Variants in PER2 observed in about 807,000 individuals in gnomAD.
PER2 encodes period circadian protein homolog 2.
A neutral mutation model predicts 121.0 loss-of-function variants in PER2; 66 were observed. The ratio of observed to expected loss-of-function variants is 0.55; its 90% CI spans 0.45 to 0.67. The LOEUF is 0.67. PER2 is among the 30% of genes least tolerant of loss of function. The pLI is 0.00. For missense variants in PER2, 1,521 were observed against 1,635.0 expected (o/e 0.93, Z 1.20); for synonymous variants, 684 against 659.9 (o/e 1.04, Z -0.56).
At position 238,268,242 on chromosome 2, in the gene PER2, G is replaced by C. The variant is rs780722079; in HGVS notation, c.825-44C>G. On this transcript the variant is annotated intron_variant, in intron 7 of 22. Transcript: ENST00000254657. This position sits in a 1 kb window ranked among gnomAD's most constrained non-coding sequence, Gnocchi z 4.0. ...CTCTAAGTTGGGAACTGTGACACAG[G>C]AACAGTCCCCTGTTCTGTTCCCTCC... The C allele has an allele frequency of 1.9e-6, 3 of 1,599,252 alleles. No individual in the cohort carries two copies. Among genetic ancestry groups the C allele is most frequent in the African/African-American group, 2.7e-5 (2 of 74,648 alleles).
intron 8 of PER2, 112 bp downstream of exon 8, chr2:238,267,944 G>A: frequency 8.1e-7 from 1 of 1,239,220 alleles, no homozygotes; most frequent in Middle Eastern, 1.9e-4. Flanking sequence ...AGAGGCCAAG[G>A]CTGGGGAACT....
intron 16 of PER2, among the ~76,000 whole-genome samples, chr2:238,257,932 T>C (rs940921920): frequency 2.6e-5 from 4 of 152,238 alleles, no homozygotes; most frequent in African/African-American, 9.6e-5. Flanking sequence ...ACTGACAACT[T>C]GAGACCAGTG....
At chr2:238,260,076 AC>A in intron 13 of PER2, 23 bp from the exon 14 acceptor site, 1 of 1,071,762 alleles carries the variant, frequency 9.3e-7, no homozygotes, top group Non-Finnish European at 1.4e-6. Flanking sequence ...CAAAATGAAC[AC>A]ATTATTCATT....
Position 238,253,210 on chromosome 2 carries a change from G to A in PER2, c.2813C>T (p.Thr938Ile), listed in dbSNP as rs778754124. Residue 938 changes from threonine to isoleucine, a missense_variant, in exon 19 of 23, where the codon ACA becomes ATA. Transcript: ENST00000254657. This position sits in a 1 kb window ranked among gnomAD's most constrained non-coding sequence, Gnocchi z 5.6. The stretch of plus-strand genomic sequence containing the variant: ...CTGTGAGGCAGAGGCCATCTCGGAT[G>A]TGAGTGTGGGGTGGCTCGGAAACTG... ...QPQFPSHPTL[T>I]SEMASASQPE... 1.9e-6 allele frequency: 3 copies of A among 1,596,676 alleles called. No individual in the cohort carries two copies. The East Asian group carries it at 6.7e-5, about 36-fold the overall frequency.
intron 16 of PER2, among the ~76,000 whole-genome samples, chr2:238,258,043 C>T (rs538436657): frequency 1.3e-5 from 2 of 152,350 alleles, no homozygotes; most frequent in African/African-American, 4.8e-5. Context: ...GGTCAGGGGA[C>T]GGCCCCAGGC....
upstream of PER2, chr2:238,288,702 C>T (rs573115259): frequency 7.9e-5 from 12 of 151,626 alleles, no homozygotes; most frequent in South Asian, 2.1e-3. Flanking sequence ...GCGGCTCTGT[C>T]CGCCCGGCCC....
chr2:238,246,115 A>T lies in PER2; in HGVS notation c.*260T>A. 1 of 244,548 alleles carries T rather than the reference A, an allele frequency of 4.1e-6. No homozygotes were observed. The highest frequency in any genetic ancestry group is 7.7e-6 in the Non-Finnish European group (1 of 129,808). 15.1% of individuals were successfully genotyped at this position (244,548 alleles called of 1,614,324 possible). On this transcript the variant is annotated 3_prime_UTR_variant, in exon 23 of 23. Coordinates refer to ENST00000254657, the MANE Select transcript of PER2 (RefSeq NM_022817.3). ...CGCTTAGTCTTTCTCAAGTTAAATAACAACTAAAATCTCTTCCCCATCCCA... is the reference window on the plus strand; with the variant it reads ...CGCTTAGTCTTTCTCAAGTTAAATATCAACTAAAATCTCTTCCCCATCCCA...
At chr2:238,250,185 G>A (rs1695560097) in intron 21 of PER2, among the ~76,000 whole-genome samples, 1 of 152,254 alleles carries the variant, frequency 6.6e-6, no homozygotes, top group South Asian at 2.1e-4. Context: ...AAGTCAGACA[G>A]CCAGATACAC....
At chr2:238,272,749 C>T (rs1022636421) in intron 5 of PER2, among the ~76,000 whole-genome samples, 3 of 152,198 alleles carry the variant, frequency 2.0e-5, no homozygotes, top group South Asian at 4.1e-4. Flanking sequence ...CTGACTGTCA[C>T]CAAGTGTGTC....
chr2:238,294,049 C>T (rs944441577), upstream of PER2, among the ~76,000 whole-genome samples: 5 of 152,182 alleles, frequency 3.3e-5, no homozygotes, highest in South Asian at 2.1e-4. Flanking sequence ...TGATCCCCCC[C>T]ACACCCAAGG....
intron 1 of PER2, among the ~76,000 whole-genome samples, chr2:238,284,687 A>T (rs911292468): frequency 1.3e-5 from 2 of 152,172 alleles, no homozygotes; most frequent in African/African-American, 4.8e-5. Context: ...TTTCACCCCT[A>T]AGTCCATCCC....
chr2:238,289,473 T>G (rs1426265148), upstream of PER2: 1 of 152,216 alleles, frequency 6.6e-6, no homozygotes, highest in Non-Finnish European at 1.5e-5. Flanking sequence ...TGTTGCAATT[T>G]TTGGTTCAGG....
rs1245288081 is a variant in PER2 at position 238,253,644 on chromosome 2, C to A, written c.2379G>T (p.Lys793Asn). 2 of 1,609,210 alleles carry A rather than the reference C, an allele frequency of 1.2e-6. No individual in the cohort carries two copies. Among genetic ancestry groups the A allele is most frequent in the Non-Finnish European group, 1.7e-6 (2 of 1,177,616 alleles). ...CCCGCTTGGACTTCAATTTTCTGTT[C>A]TTTCCTGTTTTTTTCCAAGGTGAAT... is the stretch of plus-strand genomic sequence containing the variant. ...GIDSPWKKTG[K>N]NRKLKSKRVK... is the part of the protein sequence containing the mutation. Residue 793 changes from lysine (K) to asparagine (N), a missense_variant, in exon 19 of 23, where the codon AAG becomes AAT. Physicochemically the swap from Lys to Asn is moderately conservative, Grantham distance 94. Coordinates refer to ENST00000254657, the MANE Select transcript of PER2 (RefSeq NM_022817.3). The surrounding 1 kb of genome is among the most constrained non-coding windows in gnomAD (Gnocchi z 5.6).
chr2:238,258,193 C>T, intron 16 of PER2, 83 bp downstream of exon 16: 1 of 1,462,532 alleles, frequency 6.8e-7, no homozygotes, highest in Non-Finnish European at 9.6e-7. Context: ...ACACTGTGTC[C>T]ACAGAAGCCA....
chr2:238,271,300 C>G lies in PER2; in HGVS notation c.772+12G>C. 1 of 1,611,094 alleles carries G rather than the reference C, an allele frequency of 6.2e-7. No individual in the cohort carries two copies. The highest frequency in any genetic ancestry group is 8.5e-7 in the Non-Finnish European group (1 of 1,178,044). On this transcript the variant is annotated intron_variant, in intron 6 of 22. Transcript: ENST00000254657. Reference sequence around the variant, plus strand: ...CCCCAGAGGGAACAAGGCACTACCTCGATAACCTCACCTGCTCCACTGCAC... The same window carrying G: ...CCCCAGAGGGAACAAGGCACTACCTGGATAACCTCACCTGCTCCACTGCAC...
the PER2 span, chr2:238,299,576 A>C: frequency 6.6e-6 from 1 of 152,282 alleles, no homozygotes; most frequent in Non-Finnish European, 1.5e-5. Context: ...AAGACCTCAA[A>C]TTTGATAAGG....
chr2:238,294,651 G>A (rs969302329), upstream of PER2, among the ~76,000 whole-genome samples: 5 of 152,118 alleles, frequency 3.3e-5, no homozygotes, highest in East Asian at 1.9e-4. Context: ...ACACCACGAC[G>A]CCAAAGGAAT....
rs547933975 is a variant in PER2, at chr2:238,248,636, A to G, written c.3618+426T>C. 5.9e-5 allele frequency among the ~76,000 whole-genome samples: 9 copies of G among 151,388 alleles called. No individual in the cohort carries two copies. The South Asian group carries it at 1.2e-3, about 21-fold the overall frequency. ...GACCTAGTGCTGTGCCTTTAAAAACATAAACCTTTAATTTTAGAAATTTTT... is the reference window on the plus strand; with the variant it reads ...GACCTAGTGCTGTGCCTTTAAAAACGTAAACCTTTAATTTTAGAAATTTTT... On this transcript the variant is annotated intron_variant, in intron 22 of 22. Coordinates refer to ENST00000254657, the MANE Select transcript of PER2 (RefSeq NM_022817.3).
Position 238,273,092 on chromosome 2 carries a change from G to C in PER2, c.548C>G (p.Ser183Cys), listed in dbSNP as rs373357215. The change falls in exon 5 of 23, where the codon TCT becomes TGT. Residue 183 changes from serine (S) to cysteine (C), a missense_variant. Coordinates refer to ENST00000254657, the MANE Select transcript of PER2 (RefSeq NM_022817.3). ...TACGGCATTCTTCACAATGTGCTCA[G>C]AGGTAACGCTCTCCATCTCCTCCAC... ...YTVEEMESVT[S>C]EHIVKNADMF... 2.8e-5 allele frequency: 45 copies of C among 1,614,002 alleles called. No homozygotes were observed. Among genetic ancestry groups the C allele is most frequent in the Non-Finnish European group, 3.8e-5 (45 of 1,179,978 alleles).
Sources: gnomAD v4.1 joint callset for allele counts (sites outside exome capture counted in the v4.1 genomes callset) on GRCh38, gnomAD v4.1.1 for gene constraint, Gnocchi (gnomAD v3.1) non-coding constraint, MANE v1.5 for transcripts, NCBI Gene and HGNC (gene_info 2026-07-23, HGNC 2026-07-21) for gene names.